Variants in PYGO1 observed in about 807,000 individuals in gnomAD.
PYGO1 encodes pygopus family PHD finger 1, also known as pygopus homolog 1.
In PYGO1, 6 loss-of-function variants were observed where a neutral mutation model predicts 29.5. The ratio of observed to expected loss-of-function variants is 0.20; its 90% CI spans 0.11 to 0.40. PYGO1 has a LOEUF of 0.40. PYGO1 is among the 10% of genes least tolerant of loss of function. The probability of loss-of-function intolerance (pLI) is 1.00; values close to 1 mark genes in which losing one functional copy is unlikely to be tolerated. For synonymous variants in PYGO1, 186 were observed against 180.5 expected (o/e 1.03, Z -0.24); for missense variants, 515 against 514.9 (o/e 1.00, Z 0.00).
intron 1 of PYGO1, 148 bp from the exon 2 acceptor site, chr15:55,549,143 A>C (rs2058867588): frequency 3.6e-6 from 2 of 551,852 alleles, no homozygotes; most frequent in Non-Finnish European, 5.8e-6. Flanking sequence ...CTGTTTCAAA[A>C]AAGTCTTTCC....
At position 55,546,982 on chromosome 15, in the gene PYGO1, A is replaced by T. The variant is rs2058854894; in HGVS notation, c.301T>A (p.Tyr101Asn). The change falls in exon 3 of 3, where the codon TAT (tyrosine) becomes AAT (asparagine). Residue 101 changes from tyrosine (Y) to asparagine (N), a missense_variant. Coordinates refer to ENST00000563719, the MANE Select transcript of PYGO1 (RefSeq NM_001367806.1). ...TGAGGTGGCATTCTGAATGTACTATAGCCTCCAAAGCCAGGATAACCAGGG... is the reference window on the plus strand; with the variant it reads ...TGAGGTGGCATTCTGAATGTACTATTGCCTCCAAAGCCAGGATAACCAGGG... ...LGPGYPGFGG[Y>N]STFRMPPHVP... The T allele has an allele frequency of 6.2e-7, 1 of 1,613,964 alleles. No homozygotes were observed. Among genetic ancestry groups the T allele is most frequent in the Admixed American group, 1.7e-5 (1 of 60,000 alleles).
intron 1 of PYGO1, among the ~76,000 whole-genome samples, chr15:55,559,135 C>A (rs1311193254): frequency 6.6e-6 from 1 of 152,034 alleles, no homozygotes; most frequent in African/African-American, 2.4e-5. Flanking sequence ...AACAAACTTA[C>A]AAGAAAAAAA....
rs1001523085 is a variant in PYGO1 at position 55,563,097 on chromosome 15, C to T, written c.50-14102G>A. 3.3e-5 allele frequency among the ~76,000 whole-genome samples: 5 copies of T among 151,940 alleles called. 1 individual carries two copies. Among genetic ancestry groups the T allele is most frequent in the African/African-American group, 4.8e-5 (2 of 41,384 alleles). On this transcript the variant is annotated intron_variant, in intron 1 of 2. Coordinates refer to ENST00000563719, the MANE Select transcript of PYGO1 (RefSeq NM_001367806.1). ...AAAAAAAACATAAATTGCACTTCAT[C>T]AAAATTAAAAACTTTTGATGAAAGT...
chr15:55,577,187 T>C (rs1469254992), intron 1 of PYGO1, among the ~76,000 whole-genome samples: 2 of 152,090 alleles, frequency 1.3e-5, no homozygotes, highest in African/African-American at 4.8e-5. Context: ...TATGTAAAAA[T>C]GGAGATTCAC....
rs2058821309 is a variant in PYGO1, at chr15:55,539,748, A to G, written c.*6275T>C. On this transcript the variant is annotated 3_prime_UTR_variant, in exon 3 of 3. Transcript: ENST00000563719. The stretch of plus-strand genomic sequence containing the variant: ...AAGTCTGAATCAGATTTATTGCTAT[A>G]TCAATCCTATCAATAGTCCACAATC... 1 of 152,164 alleles carries G rather than the reference A, an allele frequency of 6.6e-6. No individual in the cohort carries two copies. Among genetic ancestry groups the G allele is most frequent in the East Asian group, 1.9e-4 (1 of 5,184 alleles). The allele number at this position is 152,164 out of a possible 1,614,324, so 9.4% of individuals were successfully genotyped here.
chr15:55,545,010 A>G lies in PYGO1; in HGVS notation c.*1013T>C, dbSNP rs2058843449. On this transcript the variant is annotated 3_prime_UTR_variant, in exon 3 of 3. Coordinates refer to ENST00000563719, the MANE Select transcript of PYGO1 (RefSeq NM_001367806.1). ...TAGATTTCACTTTGGCTCTTAATTG[A>G]TCTTTGTTTAAAATGGATTTTGATC... 1.3e-5 allele frequency: 2 copies of G among 152,098 alleles called. No homozygotes were observed. The highest frequency in any genetic ancestry group is 2.9e-5 in the Non-Finnish European group (2 of 67,996). 9.4% of individuals were successfully genotyped at this position (152,098 alleles called of 1,614,324 possible).
At chr15:55,566,930 C>T (rs1393749849) in intron 1 of PYGO1, among the ~76,000 whole-genome samples, 1 of 152,076 alleles carries the variant, frequency 6.6e-6, no homozygotes, top group Non-Finnish European at 1.5e-5. Flanking sequence ...AGGGGTTTTG[C>T]CATGCTGTCC....
chr15:55,588,849 G>T (rs939215143), upstream of PYGO1: 1 of 1,613,780 alleles, frequency 6.2e-7, no homozygotes, highest in South Asian at 1.1e-5. Context: ...TTCTCGGCGG[G>T]CATGTGGGGA....
rs540225314 is a variant in PYGO1 at position 55,581,513 on chromosome 15, G to A, written c.49+6322C>T. On this transcript the variant is annotated intron_variant, in intron 1 of 2. Transcript: ENST00000563719. ...CAAAAGAGAGAAACGTGACTCAGTTGTGTTTGGGGACCACTATGGCAATGC... is the reference window on the plus strand; with the variant it reads ...CAAAAGAGAGAAACGTGACTCAGTTATGTTTGGGGACCACTATGGCAATGC... 2.0e-5 allele frequency among the ~76,000 whole-genome samples: 3 copies of A among 152,320 alleles called. No individual in the cohort carries two copies. In the East Asian group the frequency reaches 5.8e-4, roughly 29 times the overall value.
chr15:55,573,654 T>C (rs143864438), intron 1 of PYGO1, among the ~76,000 whole-genome samples: 314 of 152,318 alleles, frequency 2.1e-3, no homozygotes, highest in African/African-American at 7.2e-3. Flanking sequence ...TAGTTGATTC[T>C]TGAACAATGC....
At chr15:55,569,004 A>C (rs2058969109) in intron 1 of PYGO1, among the ~76,000 whole-genome samples, 2 of 151,940 alleles carry the variant, frequency 1.3e-5, no homozygotes, top group African/African-American at 4.8e-5. Flanking sequence ...GTATTTTGTT[A>C]AGTATGTTTA....
intron 1 of PYGO1, among the ~76,000 whole-genome samples, chr15:55,560,598 T>C (rs563423069): frequency 5.9e-5 from 9 of 152,308 alleles, no homozygotes; most frequent in East Asian, 1.9e-4. Flanking sequence ...AAAATGGCCA[T>C]ACTGCCCAAA....
In PYGO1 at chr15:55,543,055, G is replaced by A. The variant is rs1003352641; in HGVS notation, c.*2968C>T. ...AGGTTGAATTTAAGCAAAACTCAAG[G>A]ATGTTGGAGAAACTGTGGGGGGTGT... On this transcript the variant is annotated 3_prime_UTR_variant, in exon 3 of 3. Transcript: ENST00000563719. 2.7e-5 allele frequency: 4 copies of A among 149,912 alleles called. No individual in the cohort carries two copies. Among genetic ancestry groups the A allele is most frequent in the Non-Finnish European group, 4.4e-5 (3 of 67,776 alleles). 9.3% of individuals were successfully genotyped at this position (149,912 alleles called of 1,614,324 possible).
At chr15:55,554,049 G>A (rs972360620) in intron 1 of PYGO1, among the ~76,000 whole-genome samples, 1 of 152,218 alleles carries the variant, frequency 6.6e-6, no homozygotes, top group Admixed American at 6.5e-5. Flanking sequence ...ACCTCAAAGA[G>A]CAAAGGTAGA....
chr15:55,556,341 G>A (rs1235690031), intron 1 of PYGO1, among the ~76,000 whole-genome samples: 1 of 152,110 alleles, frequency 6.6e-6, no homozygotes, highest in Non-Finnish European at 1.5e-5. Flanking sequence ...TCAAAACTAA[G>A]AAATTCACTG....
intron 1 of PYGO1, among the ~76,000 whole-genome samples, chr15:55,559,321 C>T (rs2058922173): frequency 6.6e-6 from 1 of 151,966 alleles, no homozygotes; most frequent in Non-Finnish European, 1.5e-5. Context: ...ATTAAAAAGT[C>T]AGGAAACAAC....
At position 55,551,710 on chromosome 15, in the gene PYGO1, G is replaced by C. The variant is rs535929349; in HGVS notation, c.50-2715C>G. Among the ~76,000 whole-genome samples, 9 of 152,206 alleles carry C rather than the reference G, an allele frequency of 5.9e-5. No homozygotes were observed. The South Asian group carries it at 1.7e-3, about 28-fold the overall frequency. ...TGGTCCCAGCTACTCAGGAGGCTGA[G>C]GTGGGAGGATCTCTTGATCTCAGGG... On this transcript the variant is annotated intron_variant, in intron 1 of 2. Transcript: ENST00000563719.
rs1196506159 is a variant in PYGO1, at chr15:55,543,460, A to C, written c.*2563T>G. 1 of 152,194 alleles carries C rather than the reference A, an allele frequency of 6.6e-6. No homozygotes were observed. The highest frequency in any genetic ancestry group is 1.5e-5 in the Non-Finnish European group (1 of 68,024). The allele number at this position is 152,194 out of a possible 1,614,324, so 9.4% of individuals were successfully genotyped here. A position where few individuals can be genotyped will look rare whatever the true frequency, so the allele number is the denominator to read the frequency against. ...CCGTGAGTTTTTCTTTTGAATATTT[A>C]CAGATTCTTATTTAAGTAAGGTGCT... is the stretch of plus-strand genomic sequence containing the variant. On this transcript the variant is annotated 3_prime_UTR_variant, in exon 3 of 3. Transcript: ENST00000563719.
At chr15:55,585,106 T>C (rs1310922759) in intron 1 of PYGO1, among the ~76,000 whole-genome samples, 1 of 152,240 alleles carries the variant, frequency 6.6e-6, no homozygotes, top group African/African-American at 2.4e-5. Flanking sequence ...ATTCATGTTT[T>C]AGTTTTGCCA....
Sources: allele counts gnomAD v4.1 joint callset (sites outside exome capture counted in the v4.1 genomes callset), GRCh38; gene constraint gnomAD v4.1.1; transcripts MANE v1.5; gene names NCBI Gene and HGNC (gene_info 2026-07-23, HGNC 2026-07-21).